The following PTPRD variants were observed in gnomAD, a reference collection of about 807,000 sequenced individuals.
The protein encoded by PTPRD is protein tyrosine phosphatase receptor type D.
In PTPRD, 34 loss-of-function variants were observed where a neutral mutation model predicts 214.5. The ratio of observed to expected loss-of-function variants is 0.16; its 90% CI spans 0.12 to 0.21. The LOEUF (loss-of-function observed/expected upper bound fraction) is 0.21. Among genes scored for constraint, PTPRD ranks in the 10% least tolerant of loss-of-function variants. The pLI is 1.00. For missense variants in PTPRD, 2,545 were observed against 2,398.7 expected, an observed-to-expected ratio of 1.06 and a Z score of -1.27; for synonymous variants, 1,128 against 845.7, an observed-to-expected ratio of 1.33 and a Z score of -5.79.
chr9:9,427,749 G>A (rs961527317), intron 8 of PTPRD, among the ~76,000 whole-genome samples: 1 of 152,188 alleles, frequency 6.6e-6, no homozygotes, highest in Admixed American at 6.6e-5. Context: ...GAGAGTGGGG[G>A]CCACTACTCA....
At chr9:9,766,721 C>G (rs532971435) in intron 6 of PTPRD, 89 bp downstream of exon 6, 2 of 152,378 alleles carry the variant, frequency 1.3e-5, no homozygotes, top group South Asian at 2.1e-4. Flanking sequence ...ACCGTATTTC[C>G]AAGCATGCAA....
chr9:9,172,560 A>G (rs917479098), intron 10 of PTPRD, among the ~76,000 whole-genome samples: 2 of 151,916 alleles, frequency 1.3e-5, no homozygotes, highest in African/African-American at 4.8e-5. Flanking sequence ...ACTCTCCTAT[A>G]ATTGTTTATT....
chr9:8,470,158 T>A lies in PTPRD; in HGVS notation c.3504+837A>T, dbSNP rs146605046. Among the ~76,000 whole-genome samples the A allele has an allele frequency of 5.0e-3, 768 of 152,238 alleles. 5 individuals carry two copies. The highest frequency in any genetic ancestry group is 7.4e-3 in the Non-Finnish European group (500 of 68,000). On this transcript the variant is annotated intron_variant, in intron 31 of 45. Transcript: ENST00000381196. Reference sequence around the variant, plus strand: ...CCTTATGAACTGATTGAAAACAGCATCATGTTAAAATAACAAAGGCTCTTC... The same window carrying A: ...CCTTATGAACTGATTGAAAACAGCAACATGTTAAAATAACAAAGGCTCTTC...
rs189318959 is a variant in PTPRD at position 8,930,805 on chromosome 9, G to A, written c.-104+87892C>T. ...TATCCTTTGCCCACTTTTTGATGGG[G>A]TTGTTTGTTTTTTTCTTGTAAATTT... On this transcript the variant is annotated intron_variant, in intron 11 of 45. Transcript: ENST00000381196. Among the ~76,000 whole-genome samples, 128 of 152,158 alleles carry A rather than the reference G, an allele frequency of 8.4e-4. 1 individual carries two copies. In the East Asian group the frequency reaches 0.02, roughly 24 times the overall value.
chr9:10,412,112 G>T (rs7027091), intron 2 of PTPRD, among the ~76,000 whole-genome samples: 97,611 of 151,490 alleles, frequency 0.64, 32,381 homozygotes, highest in Non-Finnish European at 0.73. Context: ...GAAACAGCCT[G>T]AGGGAAGATT....
chr9:10,324,726 T>C (rs2154430254), intron 3 of PTPRD, among the ~76,000 whole-genome samples: 1 of 152,196 alleles, frequency 6.6e-6, no homozygotes, highest in East Asian at 1.9e-4. Context: ...ACACTCAGTC[T>C]TTTTGTATAA....
At chr9:9,323,328 T>G (rs187736408) in intron 9 of PTPRD, among the ~76,000 whole-genome samples, 2 of 152,146 alleles carry the variant, frequency 1.3e-5, no homozygotes, top group African/African-American at 2.4e-5. Context: ...TAATCAAATC[T>G]TTTTTACTTA....
intron 11 of PTPRD, among the ~76,000 whole-genome samples, chr9:8,893,789 C>G (rs1385434010): frequency 2.6e-5 from 4 of 152,084 alleles, no homozygotes; most frequent in Non-Finnish European, 4.4e-5. Context: ...ACTAGGGATG[C>G]ATCTATCAAA....
chr9:8,657,700 A>G (rs1329669513), intron 12 of PTPRD, among the ~76,000 whole-genome samples: 1 of 152,088 alleles, frequency 6.6e-6, no homozygotes, highest in East Asian at 1.9e-4. Context: ...TCATCATGAA[A>G]TCTTTGCCCG....
chr9:9,273,185 G>A (rs1020749113), intron 9 of PTPRD, among the ~76,000 whole-genome samples: 5 of 151,190 alleles, frequency 3.3e-5, no homozygotes, highest in Admixed American at 6.6e-5. Flanking sequence ...TCAATATATG[G>A]CAAAAATGAT....
chr9:10,109,164 G>C (rs565443226), intron 3 of PTPRD, among the ~76,000 whole-genome samples: 1 of 152,278 alleles, frequency 6.6e-6, no homozygotes, highest in South Asian at 2.1e-4. Flanking sequence ...AGGCTAAAAA[G>C]AGGTTTTCTA....
At chr9:9,263,374 C>A (rs546125932) in intron 9 of PTPRD, among the ~76,000 whole-genome samples, 1 of 151,800 alleles carries the variant, frequency 6.6e-6, no homozygotes, top group South Asian at 2.1e-4. Context: ...AAAGCACCTT[C>A]TCAGTTTAGT....
chr9:9,939,636 T>C lies in PTPRD; in HGVS notation c.-471-1026A>G, dbSNP rs548014951. On this transcript the variant is annotated intron_variant, in intron 4 of 45. Transcript: ENST00000381196. ...TGGTATTAATTGCTTGCTTGGATCA[T>C]CACCTGATGCCTGGTAACACCCTCT... 6.6e-5 allele frequency among the ~76,000 whole-genome samples: 10 copies of C among 152,312 alleles called. No homozygotes were observed. In the South Asian group the frequency reaches 8.3e-4, roughly 13 times the overall value.
chr9:10,409,112 AC>A lies in PTPRD; in HGVS notation c.-599-68096del, dbSNP rs1385342379. ...TTTTTAAGGGATTATAAAAATAAAA[AC>A]AAAGAAAAATACGTAACATAAATAT... On this transcript the variant is annotated intron_variant, in intron 2 of 45. Coordinates refer to ENST00000381196, the MANE Select transcript of PTPRD (RefSeq NM_002839.4). Among the ~76,000 whole-genome samples the A allele has an allele frequency of 3.3e-5, 5 of 151,824 alleles. No individual in the cohort carries two copies. The Admixed American group carries it at 3.3e-4, about 10-fold the overall frequency.
rs115472463 is a variant in PTPRD, at chr9:9,262,000, T to C, written c.-202-78637A>G. ...AGGAGGAGGATAACTTTAAACAGTA[T>C]AGATTATAGAACTCTACAAAGCCCT... On this transcript the variant is annotated intron_variant, in intron 9 of 45. Transcript: ENST00000381196. 7.6e-3 allele frequency among the ~76,000 whole-genome samples: 1,155 copies of C among 151,782 alleles called. 15 individuals carry two copies. Among genetic ancestry groups the C allele is most frequent in the African/African-American group, 0.027 (1,106 of 41,440 alleles).
chr9:10,201,270 TAA>T (rs2099419190), intron 3 of PTPRD, among the ~76,000 whole-genome samples: 1 of 152,018 alleles, frequency 6.6e-6, no homozygotes. Context: ...GAAAATCTGA[TAA>T]GATAAAGTCA....
At chr9:10,052,953 A>G (rs1054794597) in intron 3 of PTPRD, among the ~76,000 whole-genome samples, 1 of 152,068 alleles carries the variant, frequency 6.6e-6, no homozygotes, top group African/African-American at 2.4e-5. Flanking sequence ...ATTATATTTC[A>G]ATAATTCTTT....
intron 10 of PTPRD, among the ~76,000 whole-genome samples, chr9:9,035,847 CT>C (rs2099620048): frequency 6.6e-6 from 1 of 151,908 alleles, no homozygotes; most frequent in Non-Finnish European, 1.5e-5. Flanking sequence ...AAAGGTGTTT[CT>C]TTCTCTACTG....
At chr9:8,829,039 T>C (rs918712199) in intron 11 of PTPRD, among the ~76,000 whole-genome samples, 6 of 152,246 alleles carry the variant, frequency 3.9e-5, no homozygotes, top group African/African-American at 1.4e-4. Context: ...AAATTTACTG[T>C]TGAGAGCTTT....
Sources: allele counts gnomAD v4.1 joint callset (sites outside exome capture counted in the v4.1 genomes callset), GRCh38; gene constraint gnomAD v4.1.1; transcripts MANE v1.5; gene names NCBI Gene and HGNC (gene_info 2026-07-23, HGNC 2026-07-21).